SYDE1: variants seen among roughly 807,000 people sequenced by gnomAD.
SYDE1 encodes rho GTPase-activating protein SYDE1.
Under a neutral mutation model 63.3 loss-of-function variants are expected in SYDE1, and 34 were observed. That is an observed-to-expected ratio of 0.54 (90% CI 0.41 to 0.71). The LOEUF is 0.71. Among genes scored for constraint, SYDE1 ranks in the 30% least tolerant of loss-of-function variants. The pLI is 0.00. For synonymous variants in SYDE1, 467 were observed against 473.4 expected, an observed-to-expected ratio of 0.99 and a Z score of 0.18; for missense variants, 925 against 1,042.5, an observed-to-expected ratio of 0.89 and a Z score of 1.55.
At position 15,112,439 on chromosome 19, in the gene SYDE1, G is replaced by A. The variant is rs552358540; in HGVS notation, c.1672G>A (p.Gly558Arg). 26 of 1,602,016 alleles carry A rather than the reference G, an allele frequency of 1.6e-5. No individual in the cohort carries two copies. Among genetic ancestry groups the A allele is most frequent in the Non-Finnish European group, 2.2e-5 (26 of 1,174,860 alleles). ...MTPQNLAVCF[G>R]PVLLPARQAP... Reference sequence around the variant, plus strand: ...CCCACAGAACTTGGCCGTGTGCTTCGGGCCTGTGCTGCTGCCGGCACGCCA... The same window carrying A: ...CCCACAGAACTTGGCCGTGTGCTTCAGGCCTGTGCTGCTGCCGGCACGCCA... The change falls in exon 7 of 8, where the codon GGG (glycine) becomes AGG (arginine). Residue 558 changes from glycine (G) to arginine (R), a missense_variant. Around this residue, in one of 3 missense-constraint regions of SYDE1, gnomAD observed 255 missense variants for 255.9 expected, o/e 1.00. Coordinates refer to ENST00000342784, the MANE Select transcript of SYDE1 (RefSeq NM_033025.6).
At position 15,108,437 on chromosome 19, in the gene SYDE1, GGGTCT is replaced by G. The variant is rs1378060553; in HGVS notation, c.89-616_89-612del. Among the ~76,000 whole-genome samples, 1 of 152,186 alleles carries G rather than the reference GGGTCT, an allele frequency of 6.6e-6. No individual in the cohort carries two copies. Among genetic ancestry groups the G allele is most frequent in the African/African-American group, 2.4e-5 (1 of 41,446 alleles). On this transcript the variant is annotated intron_variant, in intron 1 of 7. Coordinates refer to ENST00000342784, the MANE Select transcript of SYDE1 (RefSeq NM_033025.6). The surrounding 1 kb of genome is among the most constrained non-coding windows in gnomAD (Gnocchi z 4.3). ...GAAGTCCCAAAGCATTGAGCGTGGG[GGGTCT>G]GGCCTGGGCTGAGGGACAAGGGCCC...
rs770749142 is a variant in SYDE1 at position 15,113,870 on chromosome 19, G to A, written c.2115G>A (p.Ala705=). Residue 705 remains alanine (A), a synonymous_variant, in exon 8 of 8, where the codon GCG becomes GCA. Coordinates refer to ENST00000342784, the MANE Select transcript of SYDE1 (RefSeq NM_033025.6). ...VTGDFEDDFD[A]PFNPHLNLKD... is the part of the protein sequence containing the mutation. ...GTGACTTCGAAGACGACTTCGATGC[G>A]CCCTTCAACCCGCACCTGAATCTCA... is the stretch of plus-strand genomic sequence containing the variant. The A allele has an allele frequency of 1.4e-5, 23 of 1,614,158 alleles. No homozygotes were observed. The highest frequency in any genetic ancestry group is 2.2e-5 in the East Asian group (1 of 44,874).
rs2046375016 is a variant in SYDE1 at position 15,114,819 on chromosome 19, G to A, written c.*856G>A. ...GTGGGGCTCTTTCAGGGACCACAGA[G>A]GAGGGAGCAGTTTGCAGTGCCCAGC... On this transcript the variant is annotated 3_prime_UTR_variant, in exon 8 of 8. Coordinates refer to ENST00000342784, the MANE Select transcript of SYDE1 (RefSeq NM_033025.6). The A allele has an allele frequency of 3.4e-6, 1 of 292,148 alleles. No homozygotes were observed. Among genetic ancestry groups the A allele is most frequent in the Non-Finnish European group, 6.7e-6 (1 of 150,280 alleles). 18.1% of individuals were successfully genotyped at this position (292,148 alleles called of 1,614,324 possible). A position where few individuals can be genotyped will look rare whatever the true frequency, so the allele number is the denominator to read the frequency against.
In SYDE1 at chr19:15,110,769, CCAGACCT is replaced by C; in HGVS notation, c.1290+41_1290+47del. On this transcript the variant is annotated intron_variant, in intron 4 of 7. Coordinates refer to ENST00000342784, the MANE Select transcript of SYDE1 (RefSeq NM_033025.6). The surrounding 1 kb of genome is among the most constrained non-coding windows in gnomAD (Gnocchi z 6.9). ...CCACCCCACCCCAACCCTCTGGCCCCCAGACCTCAGACCACTCTTCAGGACACCCTAT... is the reference window on the plus strand; with the variant it reads ...CCACCCCACCCCAACCCTCTGGCCCCCAGACCACTCTTCAGGACACCCTAT... 6.7e-7 allele frequency: 1 copy of C among 1,495,376 alleles called. No individual in the cohort carries two copies. 92.6% of individuals were successfully genotyped at this position (1,495,376 alleles called of 1,614,324 possible).
chr19:15,113,485 G>A (rs1428784653), intron 7 of SYDE1, 75 bp from the exon 8 acceptor site: 119 of 1,479,884 alleles, frequency 8.0e-5, no homozygotes, highest in Non-Finnish European at 9.0e-7. Context: ...AGGCCAATCA[G>A]GAGCCTAGTT....
Position 15,114,185 on chromosome 19 carries a change from G to A in SYDE1, c.*222G>A, listed in dbSNP as rs1202868045. The A allele has an allele frequency of 3.6e-6, 2 of 553,508 alleles. No homozygotes were observed. Among genetic ancestry groups the A allele is most frequent in the Non-Finnish European group, 6.4e-6 (2 of 313,306 alleles). 34.3% of individuals were successfully genotyped at this position (553,508 alleles called of 1,614,324 possible). ...CCAAGTCTGGGGCCTGGGGATTTTA[G>A]GGACCAGCGGTTGTGACCATCTTTC... On this transcript the variant is annotated 3_prime_UTR_variant, in exon 8 of 8. Coordinates refer to ENST00000342784, the MANE Select transcript of SYDE1 (RefSeq NM_033025.6).
At position 15,113,827 on chromosome 19, in the gene SYDE1, G is replaced by C; in HGVS notation, c.2072G>C (p.Gly691Ala). 6.2e-7 allele frequency: 1 copy of C among 1,614,138 alleles called. No homozygotes were observed. Among genetic ancestry groups the C allele is most frequent in the Non-Finnish European group, 8.5e-7 (1 of 1,180,042 alleles). ...AGCGAGGACGAGGACGAGGAGGTCG[G>C]CGAGCCGAGGGTCACCGGTGACTTC... ...SDSEDEDEEVGEPRVTGDFED... is the reference protein window; with the variant it reads ...SDSEDEDEEVAEPRVTGDFED... Residue 691 changes from glycine to alanine, a missense_variant, in exon 8 of 8, where the codon GGC (glycine) becomes GCC (alanine). By Grantham distance (60) the Gly-to-Ala change is moderately conservative. Transcript: ENST00000342784.
Position 15,109,969 on chromosome 19 carries a change from C to T in SYDE1, c.696C>T (p.Asp232=), listed in dbSNP as rs1184343209. Residue 232 remains aspartate, a synonymous_variant, in exon 3 of 8, where the codon GAC becomes GAT. Transcript: ENST00000342784. The surrounding 1 kb of genome is among the most constrained non-coding windows in gnomAD (Gnocchi z 5.0). ...GCCCGAGGGCCGGTTACCTCAGCGA[C>T]GGGGACTCACCGGAGCGCCCAGCTG... is the stretch of plus-strand genomic sequence containing the variant. ...TRSPRAGYLS[D]GDSPERPAGP... is the part of the protein sequence containing the mutation. 7 of 1,483,094 alleles carry T rather than the reference C, an allele frequency of 4.7e-6. No individual in the cohort carries two copies. In the East Asian group the frequency reaches 7.9e-5, roughly 17 times the overall value. The allele number at this position is 1,483,094 out of a possible 1,614,324, so 91.9% of individuals were successfully genotyped here.
In SYDE1 at chr19:15,112,517, G is replaced by C. The variant is rs749611629; in HGVS notation, c.1750G>C (p.Val584Leu). The C allele has an allele frequency of 2.5e-6, 4 of 1,606,508 alleles. No homozygotes were observed. The African/African-American group carries it at 5.3e-5, about 21-fold the overall frequency. The change falls in exon 7 of 8, where the codon GTG (valine) becomes CTG (leucine). Residue 584 changes from valine (V) to leucine (L), a missense_variant. Physicochemically the swap from Val to Leu is conservative, Grantham distance 32. Transcript: ENST00000342784. ...RSSGPGLASA[V>L]DFKHHIEVLH... ...CTCCGGCCCAGGCCTTGCCAGTGCAGTGGACTTCAAGCACCACATCGAGGT... is the reference window on the plus strand; with the variant it reads ...CTCCGGCCCAGGCCTTGCCAGTGCACTGGACTTCAAGCACCACATCGAGGT...
Position 15,110,126 on chromosome 19 carries a change from AC to A in SYDE1, c.858del (p.Arg287GlyfsTer54). On this transcript the variant is annotated frameshift_variant, in exon 3 of 8. Coordinates refer to ENST00000342784, the MANE Select transcript of SYDE1 (RefSeq NM_033025.6). LOFTEE classifies it high-confidence loss of function. The surrounding 1 kb of genome is among the most constrained non-coding windows in gnomAD (Gnocchi z 6.9). Reference sequence around the variant, plus strand: ...GGGGCTGCGGCCAGCGCCGGGGGCCACCCCCAGGGACCTCTGCTGCCTACTG... The same window carrying A: ...GGGGCTGCGGCCAGCGCCGGGGGCCACCCCAGGGACCTCTGCTGCCTACTG... ...LGGLRPAPGA[T>X]PRDLCCLLQV... 1 of 1,403,658 alleles carries A rather than the reference AC, an allele frequency of 7.1e-7. No homozygotes were observed. The highest frequency in any genetic ancestry group is 9.2e-7 in the Non-Finnish European group (1 of 1,085,402). The allele number at this position is 1,403,658 out of a possible 1,614,324, so 87.0% of individuals were successfully genotyped here. A position where few individuals can be genotyped will look rare whatever the true frequency, so the allele number is the denominator to read the frequency against.
At position 15,111,831 on chromosome 19, in the gene SYDE1, G is replaced by A. The variant is rs1407467584; in HGVS notation, c.1578+39G>A. 6.5e-7 allele frequency: 1 copy of A among 1,528,570 alleles called. No homozygotes were observed. The highest frequency in any genetic ancestry group is 2.3e-5 in the East Asian group (1 of 43,910). 94.7% of individuals were successfully genotyped at this position (1,528,570 alleles called of 1,614,324 possible). A position where few individuals can be genotyped will look rare whatever the true frequency, so the allele number is the denominator to read the frequency against. ...GGTGGGAGTGATGGGACTTGAGAGT[G>A]GGCTGATACCAATAGAATGTTTCAC... On this transcript the variant is annotated intron_variant, in intron 6 of 7. Coordinates refer to ENST00000342784, the MANE Select transcript of SYDE1 (RefSeq NM_033025.6). The surrounding 1 kb of genome is among the most constrained non-coding windows in gnomAD (Gnocchi z 5.5).
chr19:15,114,738 CATGT>C lies in SYDE1; in HGVS notation c.*776_*779del, dbSNP rs2046374143. 1 of 179,254 alleles carries C rather than the reference CATGT, an allele frequency of 5.6e-6. No homozygotes were observed. The highest frequency in any genetic ancestry group is 1.2e-5 in the Non-Finnish European group (1 of 85,024). 11.1% of individuals were successfully genotyped at this position (179,254 alleles called of 1,614,324 possible). On this transcript the variant is annotated 3_prime_UTR_variant, in exon 8 of 8. Transcript: ENST00000342784. ...ACGGAACATATTTATTGCCTCCATGCATGTGTGTGTGTGTCTGTGAGGACTGGTG... is the reference window on the plus strand; with the variant it reads ...ACGGAACATATTTATTGCCTCCATGCGTGTGTGTGTCTGTGAGGACTGGTG...
chr19:15,109,883 T>G lies in SYDE1; in HGVS notation c.610T>G (p.Tyr204Asp), dbSNP rs1034961869. 6.6e-7 allele frequency: 1 copy of G among 1,519,040 alleles called. No homozygotes were observed. The highest frequency in any genetic ancestry group is 8.8e-7 in the Non-Finnish European group (1 of 1,137,560). 94.1% of individuals were successfully genotyped at this position (1,519,040 alleles called of 1,614,324 possible). The change falls in exon 3 of 8, where the codon TAC (tyrosine) becomes GAC (aspartate). Residue 204 changes from tyrosine to aspartate, a missense_variant. By Grantham distance (160) the Tyr-to-Asp change is radical. Coordinates refer to ENST00000342784, the MANE Select transcript of SYDE1 (RefSeq NM_033025.6). This position sits in a 1 kb window ranked among gnomAD's most constrained non-coding sequence, Gnocchi z 5.0. ...CCCTGCGGGCTCCGTCATCAGCCGC[T>G]ACCACCTGGACAGCAGCGTGGGGGG... ...AAPAGSVISRYHLDSSVGGPG... is the reference protein window; with the variant it reads ...AAPAGSVISRDHLDSSVGGPG...
In SYDE1 at chr19:15,110,193, G is replaced by A. The variant is rs954611974; in HGVS notation, c.920G>A (p.Arg307Gln). 2 of 1,414,492 alleles carry A rather than the reference G, an allele frequency of 1.4e-6. No homozygotes were observed. Among genetic ancestry groups the A allele is most frequent in the Admixed American group, 3.2e-5 (1 of 31,496 alleles). The allele number at this position is 1,414,492 out of a possible 1,614,324, so 87.6% of individuals were successfully genotyped here. A position where few individuals can be genotyped will look rare whatever the true frequency, so the allele number is the denominator to read the frequency against. Residue 307 changes from arginine (R) to glutamine (Q), a missense_variant, in exon 3 of 8, where the codon CGA becomes CAA. Physicochemically the swap from Arg to Gln is conservative, Grantham distance 43. This residue lies in a region of SYDE1 where 599 missense variants were observed against 653.7 expected (regional missense o/e 0.92). Transcript: ENST00000342784. This position sits in a 1 kb window ranked among gnomAD's most constrained non-coding sequence, Gnocchi z 6.9. ...GCCAGGGCCCGAACAGGGCCACTGC[G>A]AGGGGGGCCGGACTTCCTGCGGCTG... ...GEARARTGPL[R>Q]GGPDFLRLDH...
Position 15,110,462 on chromosome 19 carries a change from G to T in SYDE1, c.1076-59G>T. On this transcript the variant is annotated intron_variant, in intron 3 of 7. Coordinates refer to ENST00000342784, the MANE Select transcript of SYDE1 (RefSeq NM_033025.6). This position sits in a 1 kb window ranked among gnomAD's most constrained non-coding sequence, Gnocchi z 6.9. ...GGCGGAAGGTGTGGCCTGGAGCAGC[G>T]AGGCCAGGGTACATGAAGCTTCAGA... 6.6e-7 allele frequency: 1 copy of T among 1,508,594 alleles called. No individual in the cohort carries two copies. The highest frequency in any genetic ancestry group is 1.2e-5 in the South Asian group (1 of 82,300). The allele number at this position is 1,508,594 out of a possible 1,614,324, so 93.5% of individuals were successfully genotyped here.
chr19:15,110,177 C>A lies in SYDE1; in HGVS notation c.904C>A (p.Arg302=). The A allele has an allele frequency of 7.1e-7, 1 of 1,409,188 alleles. No homozygotes were observed. The highest frequency in any genetic ancestry group is 1.6e-5 in the South Asian group (1 of 62,490). The allele number at this position is 1,409,188 out of a possible 1,614,324, so 87.3% of individuals were successfully genotyped here. The part of the protein sequence containing the change: ...LLQVDGEARA[R]TGPLRGGPDF... ...GCAAGTGGATGGGGAGGCCAGGGCC[C>A]GAACAGGGCCACTGCGAGGGGGGCC... Residue 302 remains arginine, a synonymous_variant, in exon 3 of 8, where the codon CGA becomes AGA. Coordinates refer to ENST00000342784, the MANE Select transcript of SYDE1 (RefSeq NM_033025.6). The surrounding 1 kb of genome is among the most constrained non-coding windows in gnomAD (Gnocchi z 6.9).
At position 15,110,702 on chromosome 19, in the gene SYDE1, G is replaced by A. The variant is rs1015790431; in HGVS notation, c.1257G>A (p.Lys419=). ...GCCAGGTGCCCCTCATCATCCAGAA[G>A]TGCGTTGGGCAGATCGAGCGCCGAG... ...PPGQVPLIIQ[K]CVGQIERRGL... is the part of the protein sequence containing the mutation. Residue 419 remains lysine (K), a synonymous_variant, in exon 4 of 8, where the codon AAG becomes AAA. Transcript: ENST00000342784. This position sits in a 1 kb window ranked among gnomAD's most constrained non-coding sequence, Gnocchi z 6.9. 9 of 1,580,068 alleles carry A rather than the reference G, an allele frequency of 5.7e-6. No homozygotes were observed. The highest frequency in any genetic ancestry group is 7.7e-6 in the Non-Finnish European group (9 of 1,165,714).
chr19:15,111,693 G>A lies in SYDE1; in HGVS notation c.1479G>A (p.Lys493=), dbSNP rs756735660. The A allele has an allele frequency of 3.0e-5, 48 of 1,613,392 alleles. No homozygotes were observed. The highest frequency in any genetic ancestry group is 6.7e-5 in the Admixed American group (4 of 59,906). The change falls in exon 6 of 8, where the codon AAG becomes AAA. Residue 493 remains lysine (K), a synonymous_variant. Coordinates refer to ENST00000342784, the MANE Select transcript of SYDE1 (RefSeq NM_033025.6). This position sits in a 1 kb window ranked among gnomAD's most constrained non-coding sequence, Gnocchi z 5.5. ...PTPLITQPLY[K]VVLEAMARDP... ...CACTCATCACCCAGCCCCTGTATAA[G>A]GTGGTACTGGAGGCCATGGCCCGGG...
At position 15,112,340 on chromosome 19, in the gene SYDE1, T is replaced by C. The variant is rs568044190; in HGVS notation, c.1579-6T>C. ...TCTGACTTACATCCTCTCAACCCTC[T>C]CCCAGGCCACGCTGACGCTTCTCCT... On this transcript the variant is annotated splice_polypyrimidine_tract_variant and splice_region_variant and intron_variant, in intron 6 of 7. Transcript: ENST00000342784. 1.8e-5 allele frequency: 28 copies of C among 1,553,734 alleles called. No individual in the cohort carries two copies. The highest frequency in any genetic ancestry group is 7.2e-5 in the East Asian group (3 of 41,726).
Sources: allele counts gnomAD v4.1 joint callset (sites outside exome capture counted in the v4.1 genomes callset), GRCh38; gene constraint gnomAD v4.1.1; regional missense constraint gnomAD v4.1.1; non-coding constraint Gnocchi (gnomAD v3.1); transcripts MANE v1.5; gene names NCBI Gene and HGNC (gene_info 2026-07-23, HGNC 2026-07-21).